Variants in HCK observed in about 807,000 individuals in gnomAD.
HCK encodes the protein HCK proto-oncogene, Src family tyrosine kinase, also known as tyrosine-protein kinase HCK.
Under a neutral mutation model 70.4 loss-of-function variants are expected in HCK, and 40 were observed. That is an observed-to-expected ratio of 0.57 (90% CI 0.44 to 0.74). The LOEUF (loss-of-function observed/expected upper bound fraction) is 0.74, where lower values mean the gene tolerates loss of function less well. HCK is among the 30% of genes least tolerant of loss of function. The pLI is 0.00. For missense variants in HCK, 568 were observed against 697.2 expected (o/e 0.81, Z 2.09); for synonymous variants, 245 against 263.2 (o/e 0.93, Z 0.67).
At chr20:32,072,694 C>T (rs553008481) in intron 2 of HCK, 1 of 151,468 alleles carries the variant, frequency 6.6e-6, no homozygotes, top group African/African-American at 2.4e-5. Context: ...ATATAAATCA[C>T]TGGTGGGCCT....
intron 1 of HCK, among the ~76,000 whole-genome samples, chr20:32,055,676 A>C (rs1257658367): frequency 2.0e-5 from 3 of 152,224 alleles, no homozygotes; most frequent in Admixed American, 1.3e-4. Flanking sequence ...TGAAATTCAC[A>C]TAACTTTATA....
At chr20:32,096,396 C>A (rs2045955514) in intron 11 of HCK, among the ~76,000 whole-genome samples, 1 of 149,530 alleles carries the variant, frequency 6.7e-6, no homozygotes, top group Non-Finnish European at 1.5e-5. Context: ...ACTCGGGAGG[C>A]TGAGGCAGGA....
In HCK at chr20:32,073,795, G is replaced by C; in HGVS notation, c.306G>C (p.Gly102=). The C allele has an allele frequency of 6.4e-7, 1 of 1,553,526 alleles. No homozygotes were observed. The highest frequency in any genetic ancestry group is 1.2e-5 in the South Asian group (1 of 84,224). ...ACGAAGACCTCAGCTTCCAGAAGGGGGACCAGATGGTGGTCCTAGAGGAGT... is the reference window on the plus strand; with the variant it reads ...ACGAAGACCTCAGCTTCCAGAAGGGCGACCAGATGGTGGTCCTAGAGGAGT... The change falls in exon 4 of 13, where the codon GGG becomes GGC. Residue 102 remains glycine, a synonymous_variant. Coordinates refer to ENST00000375852, the MANE Select transcript of HCK (RefSeq NM_002110.5).
rs757678615 is a variant in HCK, at chr20:32,088,556, T to A, written c.1016-12T>A. ...AAAAGTAGTAAATGTTCCTCCCCTC[T>A]CCCCCATATAGGAAGCTTGCTGGAC... On this transcript the variant is annotated splice_polypyrimidine_tract_variant and intron_variant, in intron 9 of 12. Transcript: ENST00000375852. 1.2e-6 allele frequency: 2 copies of A among 1,605,106 alleles called. No homozygotes were observed. Among genetic ancestry groups the A allele is most frequent in the South Asian group, 2.2e-5 (2 of 89,340 alleles).
intron 1 of HCK, among the ~76,000 whole-genome samples, chr20:32,061,379 C>T (rs2045373775): frequency 6.6e-6 from 1 of 152,216 alleles, no homozygotes; most frequent in African/African-American, 2.4e-5. Flanking sequence ...GCTTCGGTCT[C>T]CCTGCCACAC....
intron 6 of HCK, 78 bp from the exon 7 acceptor site, chr20:32,083,816 A>G (rs1385443737): frequency 6.5e-7 from 1 of 1,538,456 alleles, no homozygotes; most frequent in African/African-American, 1.4e-5. Context: ...CGGTAGCCTT[A>G]CAGGGTGTCA....
rs144393224 is a variant in HCK at position 32,083,998 on chromosome 20, C to T, written c.637C>T (p.Arg213Ter). 16 of 1,614,002 alleles carry T rather than the reference C, an allele frequency of 9.9e-6. No homozygotes were observed. The highest frequency in any genetic ancestry group is 2.7e-5 in the African/African-American group (2 of 74,922). ...CAACGGGGGCTTCTACATATCCCCCCGAAGCACCTTCAGCACTCTGCAGGA... is the reference window on the plus strand; with the variant it reads ...CAACGGGGGCTTCTACATATCCCCCTGAAGCACCTTCAGCACTCTGCAGGA... Residue 213 changes from arginine (R) to a stop codon, truncating the protein, a stop_gained, in exon 7 of 13, where the codon CGA becomes TGA. Coordinates refer to ENST00000375852, the MANE Select transcript of HCK (RefSeq NM_002110.5). LOFTEE classifies it high-confidence loss of function.
At chr20:32,080,829 C>T (rs1023914011) in intron 6 of HCK, among the ~76,000 whole-genome samples, 1 of 152,050 alleles carries the variant, frequency 6.6e-6, no homozygotes, top group South Asian at 2.1e-4. Flanking sequence ...TTTAAATACC[C>T]GTAACAGACC....
chr20:32,099,991 C>T (rs897144093), intron 12 of HCK, among the ~76,000 whole-genome samples: 1 of 151,322 alleles, frequency 6.6e-6, no homozygotes, highest in African/African-American at 2.4e-5. Flanking sequence ...CCTCGACTTC[C>T]TAGGCTCAAA....
intron 1 of HCK, among the ~76,000 whole-genome samples, chr20:32,065,432 G>C (rs1281271717): frequency 6.6e-6 from 1 of 152,136 alleles, no homozygotes; most frequent in African/African-American, 2.4e-5. Context: ...GAAAAATCCT[G>C]AGGTGTATAG....
chr20:32,099,233 C>A, intron 12 of HCK, 98 bp downstream of exon 12: 1 of 1,269,374 alleles, frequency 7.9e-7, no homozygotes, highest in Non-Finnish European at 1.1e-6. Flanking sequence ...TCTTGATCCT[C>A]ACCCCCAACC....
intron 1 of HCK, among the ~76,000 whole-genome samples, chr20:32,065,045 C>T (rs1281281535): frequency 1.3e-5 from 2 of 152,218 alleles, no homozygotes; most frequent in African/African-American, 2.4e-5. Flanking sequence ...TCACATAGGA[C>T]CTCAGGCCAA....
At chr20:32,053,760 C>A (rs373755730) in intron 1 of HCK, among the ~76,000 whole-genome samples, 4 of 151,756 alleles carry the variant, frequency 2.6e-5, no homozygotes, top group African/African-American at 9.7e-5. Context: ...TGTTCTCAGA[C>A]TTTAGCCTAC....
At chr20:32,067,171 C>T (rs2045470820) in intron 1 of HCK, among the ~76,000 whole-genome samples, 1 of 152,208 alleles carries the variant, frequency 6.6e-6, no homozygotes, top group Non-Finnish European at 1.5e-5. Flanking sequence ...TGCATGGCCC[C>T]TCCTATGTTT....
At chr20:32,061,170 G>C (rs1175844133) in intron 1 of HCK, among the ~76,000 whole-genome samples, 1 of 152,164 alleles carries the variant, frequency 6.6e-6, no homozygotes, top group Non-Finnish European at 1.5e-5. Flanking sequence ...TTTTAGTAGA[G>C]ACGGGGTTTC....
At chr20:32,057,877 G>A (rs76687355) in intron 1 of HCK, among the ~76,000 whole-genome samples, 13,343 of 152,222 alleles carry the variant, frequency 0.088, 780 homozygotes, top group Admixed American at 0.17. Context: ...TTTCAGAGGC[G>A]TGGGTAATGA....
rs755265774 is a variant in HCK at position 32,101,585 on chromosome 20, C to T, written c.*66C>T. 8.3e-5 allele frequency: 111 copies of T among 1,341,394 alleles called. No individual in the cohort carries two copies. The highest frequency in any genetic ancestry group is 1.1e-4 in the Non-Finnish European group (107 of 963,882). 83.1% of individuals were successfully genotyped at this position (1,341,394 alleles called of 1,614,324 possible). ...GGCTGCAAGGTGGCTCCAGCACCAT[C>T]CGCCAGGGCCCACACCCCCTTCCTA... is the stretch of plus-strand genomic sequence containing the variant. On this transcript the variant is annotated 3_prime_UTR_variant, in exon 13 of 13. Transcript: ENST00000375852.
At position 32,094,794 on chromosome 20, in the gene HCK, A is replaced by AG. The variant is rs1569010515; in HGVS notation, c.1246+778_1246+779insG. 6.5e-3 allele frequency among the ~76,000 whole-genome samples: 96 copies of AG among 14,786 alleles called. 1 individual carries two copies. The highest frequency in any genetic ancestry group is 0.012 in the Admixed American group (14 of 1,192). 9.7% of individuals were successfully genotyped at this position (14,786 alleles called of 152,430 possible). A position where few individuals can be genotyped will look rare whatever the true frequency, so the allele number is the denominator to read the frequency against. On this transcript the variant is annotated intron_variant, in intron 11 of 12. Transcript: ENST00000375852. ...GAAAGAAAGAGAGAGAAAGAGAAAGAAAGAAAGAAAGAAAGAAAGAAAGAA... is the reference window on the plus strand; with the variant it reads ...GAAAGAAAGAGAGAGAAAGAGAAAGAGAAGAAAGAAAGAAAGAAAGAAAGAA...
chr20:32,052,797 A>AG (rs2045198655), intron 1 of HCK, among the ~76,000 whole-genome samples: 4 of 112,512 alleles, frequency 3.6e-5, no homozygotes, highest in South Asian at 2.4e-4. Context: ...GGGGGCGGGG[A>AG]TTTTTTTTTT....
Sources: gnomAD v4.1 joint callset for allele counts (sites outside exome capture counted in the v4.1 genomes callset) on GRCh38, gnomAD v4.1.1 for gene constraint, MANE v1.5 for transcripts, NCBI Gene and HGNC (gene_info 2026-07-23, HGNC 2026-07-21) for gene names.